The following CNTNAP5 variants were observed in gnomAD, a reference collection of about 807,000 sequenced individuals.
CNTNAP5 encodes the protein contactin associated protein family member 5.
CNTNAP5 carries 72 observed loss-of-function variants against 150.2 expected under a neutral mutation model. The ratio of observed to expected loss-of-function variants is 0.48; its 90% CI spans 0.40 to 0.58. The LOEUF (loss-of-function observed/expected upper bound fraction) is 0.58, where lower values mean the gene tolerates loss of function less well. Among genes scored for constraint, CNTNAP5 ranks in the 20% least tolerant of loss-of-function variants. The probability of loss-of-function intolerance (pLI) is 0.00; values close to 1 mark genes in which losing one functional copy is unlikely to be tolerated. For missense variants in CNTNAP5, 1,636 were observed against 1,626.2 expected, an observed-to-expected ratio of 1.01 and a Z score of -0.10; for synonymous variants, 672 against 619.8, an observed-to-expected ratio of 1.08 and a Z score of -1.25.
At position 124,380,813 on chromosome 2, in the gene CNTNAP5, G is replaced by T. The variant is rs572769959; in HGVS notation, c.382-36630G>T. 3.3e-5 allele frequency among the ~76,000 whole-genome samples: 5 copies of T among 152,248 alleles called. No individual in the cohort carries two copies. The South Asian group carries it at 1.0e-3, about 32-fold the overall frequency. Reference sequence around the variant, plus strand: ...GATAGAGCAGCAATCAAAACAGCCTGTGCCTTCAGAAAATTTACGTTCCAC... The same window carrying T: ...GATAGAGCAGCAATCAAAACAGCCTTTGCCTTCAGAAAATTTACGTTCCAC... On this transcript the variant is annotated intron_variant, in intron 3 of 23. Transcript: ENST00000682447.
At chr2:124,060,642 G>A (rs1327778687) in intron 1 of CNTNAP5, among the ~76,000 whole-genome samples, 1 of 152,154 alleles carries the variant, frequency 6.6e-6, no homozygotes, top group Non-Finnish European at 1.5e-5. Flanking sequence ...GCTTTAGTTT[G>A]GACCACATGG....
intron 11 of CNTNAP5, among the ~76,000 whole-genome samples, chr2:124,606,386 T>C (rs1054750803): frequency 6.6e-6 from 1 of 151,794 alleles, no homozygotes; most frequent in Admixed American, 6.6e-5. Flanking sequence ...AAATAAGAAG[T>C]AACAATATAG....
At chr2:124,225,457 A>T (rs1375221088) in intron 2 of CNTNAP5, among the ~76,000 whole-genome samples, 1 of 152,142 alleles carries the variant, frequency 6.6e-6, no homozygotes, top group Non-Finnish European at 1.5e-5. Flanking sequence ...CATTTTTATT[A>T]GTTCACTTAC....
rs1573419051 is a variant in CNTNAP5 at position 124,504,347 on chromosome 2, A to G, written c.1118A>G (p.Asn373Ser). The stretch of plus-strand genomic sequence containing the variant: ...CAGATTGTGCCCATCACATTTGTCA[A>G]CTCCAGCGGCAGCTATTTGCTGCTG... ...EPQIVPITFVNSSGSYLLLPG... is the reference protein window; with the variant it reads ...EPQIVPITFVSSSGSYLLLPG... The change falls in exon 8 of 24, where the codon AAC (asparagine) becomes AGC (serine). Residue 373 changes from asparagine (N) to serine (S), a missense_variant. Physicochemically the swap from Asn to Ser is conservative, Grantham distance 46. Transcript: ENST00000682447. 1 of 1,613,764 alleles carries G rather than the reference A, an allele frequency of 6.2e-7. No homozygotes were observed. The highest frequency in any genetic ancestry group is 1.3e-5 in the African/African-American group (1 of 74,966).
At chr2:124,251,195 C>T (rs1353345932) in intron 3 of CNTNAP5, among the ~76,000 whole-genome samples, 7 of 152,124 alleles carry the variant, frequency 4.6e-5, no homozygotes, top group Non-Finnish European at 1.0e-4. Flanking sequence ...GTCTAACACC[C>T]TAGACTTGTC....
intron 1 of CNTNAP5, among the ~76,000 whole-genome samples, chr2:124,042,783 C>CTATCT (rs1491360872): frequency 6.8e-6 from 1 of 148,112 alleles, no homozygotes; most frequent in Non-Finnish European, 1.5e-5. Context: ...AACTCTCTAT[C>CTATCT]ATCTATCTAT....
chr2:124,564,046 G>T (rs1695953284), intron 11 of CNTNAP5, among the ~76,000 whole-genome samples: 1 of 152,226 alleles, frequency 6.6e-6, no homozygotes, highest in African/African-American at 2.4e-5. Flanking sequence ...CAACCGCAGT[G>T]TTAGGGAGAC....
intron 4 of CNTNAP5, among the ~76,000 whole-genome samples, chr2:124,422,696 G>T (rs1360071395): frequency 2.0e-5 from 3 of 152,170 alleles, no homozygotes; most frequent in Non-Finnish European, 4.4e-5. Flanking sequence ...AGCATATGCA[G>T]CTCCACGTAC....
intron 3 of CNTNAP5, among the ~76,000 whole-genome samples, chr2:124,368,042 G>C (rs891767409): frequency 6.6e-6 from 1 of 152,138 alleles, no homozygotes; most frequent in African/African-American, 2.4e-5. Flanking sequence ...TGGAACTATA[G>C]GTGATTTTTT....
At chr2:124,337,569 T>A (rs1689505335) in intron 3 of CNTNAP5, among the ~76,000 whole-genome samples, 1 of 152,200 alleles carries the variant, frequency 6.6e-6, no homozygotes, top group East Asian at 1.9e-4. Context: ...AAGGAAGGGA[T>A]CCAGTTTCAG....
chr2:124,077,734 A>T (rs1179092086), intron 1 of CNTNAP5, among the ~76,000 whole-genome samples: 2 of 152,212 alleles, frequency 1.3e-5, no homozygotes, highest in African/African-American at 4.8e-5. Flanking sequence ...GATAAATAAG[A>T]TGGTCTCTAA....
At chr2:124,349,874 CTTTTTT>C (rs70996061) in intron 3 of CNTNAP5, among the ~76,000 whole-genome samples, 7 of 81,826 alleles carry the variant, frequency 8.6e-5, no homozygotes, top group African/African-American at 1.5e-4. Context: ...CTGGCTATTT[CTTTTTT>C]TTTTTTTTTT....
At chr2:124,356,971 G>A (rs1392753040) in intron 3 of CNTNAP5, among the ~76,000 whole-genome samples, 3 of 152,164 alleles carry the variant, frequency 2.0e-5, no homozygotes, top group African/African-American at 7.2e-5. Context: ...AGCACCTGTT[G>A]TTTCCTGACT....
intron 3 of CNTNAP5, among the ~76,000 whole-genome samples, chr2:124,350,682 C>T (rs1558862629): frequency 1.3e-5 from 2 of 151,704 alleles, no homozygotes; most frequent in East Asian, 3.9e-4. Flanking sequence ...GTTATTTTAT[C>T]TATAATTTCT....
At chr2:124,560,980 A>C (rs1052663449) in intron 10 of CNTNAP5, among the ~76,000 whole-genome samples, 2 of 152,030 alleles carry the variant, frequency 1.3e-5, no homozygotes, top group Non-Finnish European at 2.9e-5. Context: ...AAAAAAAAAA[A>C]CTACAGAATA....
chr2:124,356,026 A>G (rs935885091), intron 3 of CNTNAP5, among the ~76,000 whole-genome samples: 1 of 152,176 alleles, frequency 6.6e-6, no homozygotes, highest in African/African-American at 2.4e-5. Flanking sequence ...AAGAAAAACA[A>G]TGCTTACAGA....
intron 10 of CNTNAP5, among the ~76,000 whole-genome samples, chr2:124,547,573 T>C (rs1695541897): frequency 6.6e-6 from 1 of 152,130 alleles, no homozygotes; most frequent in African/African-American, 2.4e-5. Context: ...TGTGTCAGTA[T>C]CTGGGGTGGC....
At chr2:124,729,722 C>T (rs549185718) in intron 13 of CNTNAP5, among the ~76,000 whole-genome samples, 17 of 152,012 alleles carry the variant, frequency 1.1e-4, no homozygotes, top group African/African-American at 4.1e-4. Flanking sequence ...TCTGGAGTAA[C>T]CAGATACTCA....
intron 1 of CNTNAP5, among the ~76,000 whole-genome samples, chr2:124,213,166 C>T (rs1449090760): frequency 6.6e-6 from 1 of 152,042 alleles, no homozygotes; most frequent in Non-Finnish European, 1.5e-5. Flanking sequence ...CTCTTTCATC[C>T]TCATGATGCC....
Sources: allele counts gnomAD v4.1 joint callset (sites outside exome capture counted in the v4.1 genomes callset), GRCh38; gene constraint gnomAD v4.1.1; transcripts MANE v1.5; gene names NCBI Gene and HGNC (gene_info 2026-07-23, HGNC 2026-07-21).